PTPRD: variants seen among roughly 807,000 people sequenced by gnomAD.
PTPRD encodes the protein receptor-type tyrosine-protein phosphatase delta.
PTPRD carries 34 observed loss-of-function variants against 214.5 expected under a neutral mutation model. The observed-to-expected ratio is 0.16, with a 90% CI of 0.12 to 0.21. The LOEUF (loss-of-function observed/expected upper bound fraction) is 0.21, where lower values mean the gene tolerates loss of function less well. Ranked by LOEUF, PTPRD falls within the 10% of genes least tolerant of loss-of-function variation. The pLI, the probability that PTPRD is intolerant of heterozygous loss-of-function variation, is 1.00. For missense variants in PTPRD, 2,545 were observed against 2,398.7 expected (o/e 1.06, Z -1.27); for synonymous variants, 1,128 against 845.7 (o/e 1.33, Z -5.79).
At chr9:8,602,208 C>T (rs1472294410) in intron 14 of PTPRD, among the ~76,000 whole-genome samples, 1 of 152,154 alleles carries the variant, frequency 6.6e-6, no homozygotes, top group Non-Finnish European at 1.5e-5. Context: ...TCACCTGAGC[C>T]AATAGTTCTA....
At chr9:9,641,733 T>C (rs1051929183) in intron 7 of PTPRD, among the ~76,000 whole-genome samples, 1 of 152,188 alleles carries the variant, frequency 6.6e-6, no homozygotes, top group South Asian at 2.1e-4. Flanking sequence ...CAAGTCTAAC[T>C]GTGGGTCTGA....
intron 14 of PTPRD, among the ~76,000 whole-genome samples, chr9:8,565,511 C>T (rs1157635751): frequency 6.6e-6 from 1 of 152,136 alleles, no homozygotes; most frequent in African/African-American, 2.4e-5. Context: ...ATTTGCCTCC[C>T]ATGTTTTCTC....
chr9:10,446,056 C>T (rs1388671873), intron 2 of PTPRD, among the ~76,000 whole-genome samples: 1 of 151,914 alleles, frequency 6.6e-6, no homozygotes, highest in Non-Finnish European at 1.5e-5. Flanking sequence ...AGTATCATTC[C>T]AGAGCGGGGA....
At chr9:10,466,191 T>G (rs548900806) in intron 2 of PTPRD, among the ~76,000 whole-genome samples, 11 of 152,324 alleles carry the variant, frequency 7.2e-5, no homozygotes, top group African/African-American at 2.2e-4. Flanking sequence ...TTCTCTGTTT[T>G]ATTCATACAA....
chr9:10,264,451 A>C (rs1199945210), intron 3 of PTPRD, among the ~76,000 whole-genome samples: 1 of 152,176 alleles, frequency 6.6e-6, no homozygotes, highest in African/African-American at 2.4e-5. Context: ...ATGGAGTCAA[A>C]GGAGATCATT....
intron 9 of PTPRD, among the ~76,000 whole-genome samples, chr9:9,380,612 A>G (rs1385032886): frequency 6.6e-6 from 1 of 152,274 alleles, no homozygotes; most frequent in South Asian, 2.1e-4. Flanking sequence ...AATGTGGTCT[A>G]TCTTAGTAAA....
chr9:8,847,469 T>G (rs908917515), intron 11 of PTPRD, among the ~76,000 whole-genome samples: 1 of 152,182 alleles, frequency 6.6e-6, no homozygotes, highest in African/African-American at 2.4e-5. Flanking sequence ...AATAGGCCAG[T>G]GTATGCATGT....
intron 4 of PTPRD, among the ~76,000 whole-genome samples, chr9:9,949,431 A>T (rs10759117): frequency 0.53 from 80,708 of 151,858 alleles, 23,383 homozygotes; most frequent in East Asian, 0.91. Flanking sequence ...TTTTACCAAT[A>T]AGCAACAACT....
At chr9:9,893,235 C>CT (rs1566063441) in intron 5 of PTPRD, among the ~76,000 whole-genome samples, 1 of 151,580 alleles carries the variant, frequency 6.6e-6, no homozygotes. Flanking sequence ...GCAAAATAAG[C>CT]AGCTAGTATC....
chr9:9,717,377 A>G (rs926446277), intron 7 of PTPRD, among the ~76,000 whole-genome samples: 1 of 152,262 alleles, frequency 6.6e-6, no homozygotes, highest in South Asian at 2.1e-4. Context: ...GTTTTTTCCA[A>G]TTCTGTGAAG....
chr9:9,964,949 T>G lies in PTPRD; in HGVS notation c.-471-26339A>C, dbSNP rs142026951. On this transcript the variant is annotated intron_variant, in intron 4 of 45. Transcript: ENST00000381196. ...TTTGTCCTAATTTTTCTTCTCTTAC[T>G]TGCAAGTAAAATATGTTCATGCAAA... Among the ~76,000 whole-genome samples, 50 of 152,280 alleles carry G rather than the reference T, an allele frequency of 3.3e-4. No homozygotes were observed. The East Asian group carries it at 9.5e-3, about 29-fold the overall frequency.
intron 2 of PTPRD, among the ~76,000 whole-genome samples, chr9:10,557,684 C>T (rs1031303088): frequency 2.6e-5 from 4 of 152,034 alleles, no homozygotes; most frequent in African/African-American, 7.2e-5. Context: ...TAAATGTTTA[C>T]CCCTGGACCA....
Position 8,700,413 on chromosome 9 carries a change from C to G in PTPRD, c.64+33367G>C, listed in dbSNP as rs1031383362. Among the ~76,000 whole-genome samples, 4 of 152,216 alleles carry G rather than the reference C, an allele frequency of 2.6e-5. No individual in the cohort carries two copies. The South Asian group carries it at 8.3e-4, about 32-fold the overall frequency. Reference sequence around the variant, plus strand: ...CATCATGATGTACTTAAATTCATTTCTACTATTGAATATCACCCTCTACAA... The same window carrying G: ...CATCATGATGTACTTAAATTCATTTGTACTATTGAATATCACCCTCTACAA... On this transcript the variant is annotated intron_variant, in intron 12 of 45. Coordinates refer to ENST00000381196, the MANE Select transcript of PTPRD (RefSeq NM_002839.4).
intron 3 of PTPRD, among the ~76,000 whole-genome samples, chr9:10,312,707 G>A (rs12380264): frequency 2.0e-5 from 3 of 151,790 alleles, no homozygotes; most frequent in African/African-American, 7.3e-5. Flanking sequence ...ACAGAAAAGA[G>A]AGTAAGACAA....
chr9:10,492,934 C>G (rs982560338), intron 2 of PTPRD, among the ~76,000 whole-genome samples: 15 of 152,014 alleles, frequency 9.9e-5, no homozygotes, highest in African/African-American at 3.1e-4. Context: ...GTGCAAAAAT[C>G]ACAAGCATTC....
At chr9:8,649,164 G>GT in intron 12 of PTPRD, among the ~76,000 whole-genome samples, 1 of 152,304 alleles carries the variant, frequency 6.6e-6, no homozygotes, top group East Asian at 1.9e-4. Flanking sequence ...TATTTCCAGT[G>GT]TATCAACTAC....
chr9:8,796,525 G>A (rs189884707), intron 11 of PTPRD, among the ~76,000 whole-genome samples: 4 of 152,136 alleles, frequency 2.6e-5, no homozygotes, highest in Non-Finnish European at 4.4e-5. Context: ...TAGAAATATG[G>A]AATTTAACTG....
At chr9:9,998,129 A>ATATATATATATATATATATATAT (rs1555449230) in intron 4 of PTPRD, among the ~76,000 whole-genome samples, 17 of 91,438 alleles carry the variant, frequency 1.9e-4, no homozygotes, top group African/African-American at 1.0e-3. Flanking sequence ...AAAAAAAAAA[A>ATATATATATATATATATATATAT]ATATATATAT....
intron 8 of PTPRD, among the ~76,000 whole-genome samples, chr9:9,498,627 T>C (rs1303368526): frequency 1.3e-5 from 2 of 152,112 alleles, no homozygotes; most frequent in Non-Finnish European, 2.9e-5. Flanking sequence ...GAGAAATATT[T>C]TGAGGTAGTA....
Sources: allele counts gnomAD v4.1 joint callset (sites outside exome capture counted in the v4.1 genomes callset), GRCh38; gene constraint gnomAD v4.1.1; transcripts MANE v1.5; gene names NCBI Gene and HGNC (gene_info 2026-07-23, HGNC 2026-07-21).